TRMT11: variants seen among roughly 807,000 people sequenced by gnomAD.
TRMT11 encodes the protein tRNA methyltransferase 11.
TRMT11 carries 53 observed loss-of-function variants against 62.8 expected under a neutral mutation model. The observed-to-expected ratio is 0.84, with a 90% CI of 0.68 to 1.06. The LOEUF (loss-of-function observed/expected upper bound fraction) is 1.06, where lower values mean the gene tolerates loss of function less well. Ranked by LOEUF, TRMT11 falls within the 50% of genes least tolerant of loss-of-function variation. TRMT11 has a pLI of 0.00. For synonymous variants in TRMT11, 188 were observed against 190.3 expected (o/e 0.99, Z 0.10); for missense variants, 556 against 553.4 (o/e 1.00, Z -0.05).
At chr6:126,046,349 C>T (rs1284600931) in intron 16 of TRMT11, among the ~76,000 whole-genome samples, 3 of 152,152 alleles carry the variant, frequency 2.0e-5, no homozygotes, top group Non-Finnish European at 2.9e-5. Flanking sequence ...AATGCCAAAA[C>T]ATTGTCGGAT....
intron 21 of TRMT11, among the ~76,000 whole-genome samples, chr6:126,150,235 C>A (rs1353458300): frequency 6.6e-6 from 1 of 152,110 alleles, no homozygotes; most frequent in African/African-American, 2.4e-5. Flanking sequence ...CTATGTGATA[C>A]CCTGTGCAGC....
At chr6:125,987,924 C>A (rs561807094) in intron 1 of TRMT11, among the ~76,000 whole-genome samples, 142 of 152,246 alleles carry the variant, frequency 9.3e-4, no homozygotes, top group African/African-American at 3.3e-3. Flanking sequence ...GTGATCTGGA[C>A]TAGTGATAAA....
intron 17 of TRMT11, among the ~76,000 whole-genome samples, chr6:126,074,656 TTA>T (rs1368399462): frequency 1.3e-5 from 2 of 152,180 alleles, no homozygotes; most frequent in African/African-American, 4.8e-5. Context: ...AAGAATTTTT[TTA>T]TGTGTTATTT....
At chr6:126,075,020 G>T (rs949589147) in intron 17 of TRMT11, among the ~76,000 whole-genome samples, 8 of 151,920 alleles carry the variant, frequency 5.3e-5, no homozygotes, top group Non-Finnish European at 1.0e-4. Context: ...GTTCTCATAA[G>T]ACCTCAAAAA....
intron 21 of TRMT11, among the ~76,000 whole-genome samples, chr6:126,160,635 AGT>A (rs1475991051): frequency 6.6e-6 from 1 of 152,158 alleles, no homozygotes; most frequent in Non-Finnish European, 1.5e-5. Flanking sequence ...GGGTCTCTTT[AGT>A]CAGATATACT....
At chr6:126,205,813 G>A (rs1380152147), downstream of TRMT11, among the ~76,000 whole-genome samples, 1 of 151,518 alleles carries the variant, frequency 6.6e-6, no homozygotes, top group Non-Finnish European at 1.5e-5. Flanking sequence ...TAGCAGCTAG[G>A]GGTGGGAGAG....
chr6:126,008,344 G>C, intron 7 of TRMT11, 48 bp from the exon 8 acceptor site: 1 of 1,467,992 alleles, frequency 6.8e-7, no homozygotes, highest in Non-Finnish European at 9.5e-7. Flanking sequence ...GAACAAACAG[G>C]AGTTTGGGAC....
intron 17 of TRMT11, among the ~76,000 whole-genome samples, chr6:126,054,730 A>G (rs1464049339): frequency 6.6e-6 from 1 of 152,240 alleles, no homozygotes; most frequent in African/African-American, 2.4e-5. Context: ...ATATACATAA[A>G]GGATATTTTA....
intron 1 of TRMT11, among the ~76,000 whole-genome samples, chr6:126,183,080 A>G (rs901777362): frequency 1.6e-4 from 24 of 152,150 alleles, no homozygotes; most frequent in African/African-American, 5.8e-4. Context: ...CAGGCTTCGT[A>G]GACTGATTGA....
the TRMT11 span, among the ~76,000 whole-genome samples, chr6:126,221,850 A>G: frequency 2.0e-5 from 3 of 152,188 alleles, no homozygotes; most frequent in Non-Finnish European, 4.4e-5. Flanking sequence ...TTTTGTCACA[A>G]TTGCTTTTGT....
At chr6:126,027,166 G>T (rs1773327502) in intron 12 of TRMT11, among the ~76,000 whole-genome samples, 1 of 152,176 alleles carries the variant, frequency 6.6e-6, no homozygotes, top group Middle Eastern at 3.4e-3. Flanking sequence ...GCTGCTATAT[G>T]TGGTTGTAGT....
intron 21 of TRMT11, among the ~76,000 whole-genome samples, chr6:126,160,698 A>G (rs1025610598): frequency 4.6e-5 from 7 of 152,044 alleles, no homozygotes; most frequent in Non-Finnish European, 1.0e-4. Context: ...TACCACCCTC[A>G]CAGACATGAC....
At chr6:126,260,656 G>T in the TRMT11 span, among the ~76,000 whole-genome samples, 3 of 152,076 alleles carry the variant, frequency 2.0e-5, no homozygotes, top group Non-Finnish European at 4.4e-5. Context: ...TTCTGTAAAG[G>T]TCTTTATTTC....
chr6:125,988,556 C>T (rs1252639286), intron 1 of TRMT11, among the ~76,000 whole-genome samples: 1 of 152,004 alleles, frequency 6.6e-6, no homozygotes, highest in African/African-American at 2.4e-5. Context: ...GGAGTAGTTG[C>T]CTGAGGGCCT....
At chr6:126,102,682 A>G (rs1036006062) in intron 17 of TRMT11, among the ~76,000 whole-genome samples, 6 of 152,068 alleles carry the variant, frequency 3.9e-5, no homozygotes, top group Non-Finnish European at 8.8e-5. Context: ...TGAGACTCTT[A>G]CCTTGACTCT....
At chr6:126,155,545 C>T (rs1340731048) in intron 21 of TRMT11, among the ~76,000 whole-genome samples, 1 of 152,190 alleles carries the variant, frequency 6.6e-6, no homozygotes, top group African/African-American at 2.4e-5. Flanking sequence ...TCCTAAGTCT[C>T]ATCTGAGACT....
chr6:126,011,987 G>C (rs1194231953), intron 9 of TRMT11, among the ~76,000 whole-genome samples: 2 of 152,152 alleles, frequency 1.3e-5, no homozygotes, highest in South Asian at 4.1e-4. Flanking sequence ...TCATGAGGTC[G>C]TGAGTTTTTT....
chr6:126,044,718 T>TAA (rs1775995740), intron 16 of TRMT11, among the ~76,000 whole-genome samples: 2 of 152,302 alleles, frequency 1.3e-5, no homozygotes, highest in East Asian at 3.9e-4. Context: ...CCTTGGAAGA[T>TAA]AGTGTCTTCC....
chr6:126,268,429 G>A, the TRMT11 span, among the ~76,000 whole-genome samples: 1 of 152,154 alleles, frequency 6.6e-6, no homozygotes, highest in Non-Finnish European at 1.5e-5. Context: ...CAATGTGGGA[G>A]CAAAGAAGAT....
Sources: allele counts gnomAD v4.1 joint callset (sites outside exome capture counted in the v4.1 genomes callset), GRCh38; gene constraint gnomAD v4.1.1; transcripts MANE v1.5; gene names NCBI Gene and HGNC (gene_info 2026-07-23, HGNC 2026-07-21).